C17orf67: variants seen among roughly 807,000 people sequenced by gnomAD.
C17orf67 encodes chromosome 17 open reading frame 67.
Under a neutral mutation model 11.2 loss-of-function variants are expected in C17orf67, and 12 were observed. The observed-to-expected ratio is 1.07, with a 90% CI of 0.68 to 1.73. The LOEUF (loss-of-function observed/expected upper bound fraction) is 1.73. Among genes scored for constraint, C17orf67 ranks in the 40% most tolerant of loss-of-function variants. The pLI is 0.00. For synonymous variants in C17orf67, 59 were observed against 46.9 expected, an observed-to-expected ratio of 1.26 and a Z score of -1.05; for missense variants, 115 against 113.5, an observed-to-expected ratio of 1.01 and a Z score of -0.06.
intron 4 of C17orf67, among the ~76,000 whole-genome samples, chr17:56,822,204 A>G (rs1272925030): frequency 6.6e-6 from 1 of 152,242 alleles, no homozygotes. Flanking sequence ...CTCTGACAAT[A>G]GCTAACTGAT....
intron 2 of C17orf67, 133 bp downstream of exon 2, chr17:56,832,765 A>G (rs1480677093): frequency 1.3e-5 from 2 of 152,170 alleles, no homozygotes; most frequent in Non-Finnish European, 2.9e-5. Flanking sequence ...CTTCCCTATT[A>G]CAATAGTATA....
chr17:56,827,158 GC>G (rs1436022339), intron 2 of C17orf67, among the ~76,000 whole-genome samples: 1 of 152,212 alleles, frequency 6.6e-6, no homozygotes, highest in African/African-American at 2.4e-5. Context: ...TCAAAACTGT[GC>G]CAGCTCTCAC....
intron 6 of C17orf67, among the ~76,000 whole-genome samples, chr17:56,795,913 G>A (rs529916321): frequency 1.3e-5 from 2 of 152,294 alleles, no homozygotes; most frequent in Middle Eastern, 3.4e-3. Flanking sequence ...TACATTTATA[G>A]TGTGACACTA....
At chr17:56,813,954 C>T (rs150436505) in intron 6 of C17orf67, among the ~76,000 whole-genome samples, 253 of 152,186 alleles carry the variant, frequency 1.7e-3, no homozygotes, top group African/African-American at 5.7e-3. Context: ...GAGATTCAAA[C>T]CCAGTCTGAC....
At chr17:56,795,230 A>G in intron 6 of C17orf67, 50 bp from the exon 7 acceptor site, 1 of 1,536,264 alleles carries the variant, frequency 6.5e-7, no homozygotes, top group Non-Finnish European at 9.0e-7. Context: ...GTGACAGCCA[A>G]GGGATCAATA....
At chr17:56,827,933 G>A (rs569359789) in intron 2 of C17orf67, among the ~76,000 whole-genome samples, 4 of 152,228 alleles carry the variant, frequency 2.6e-5, no homozygotes, top group East Asian at 1.9e-4. Context: ...TGGGCCGGTC[G>A]CAGTGGCTCA....
chr17:56,795,857 T>C (rs1159867799), intron 6 of C17orf67, among the ~76,000 whole-genome samples: 1 of 152,206 alleles, frequency 6.6e-6, no homozygotes, highest in Non-Finnish European at 1.5e-5. Flanking sequence ...TACAACAACA[T>C]AGATGGGTCT....
In C17orf67 at chr17:56,832,925, C is replaced by G. The variant is rs1464005850; in HGVS notation, c.-584G>C. 6.6e-6 allele frequency: 1 copy of G among 152,186 alleles called. No homozygotes were observed. Among genetic ancestry groups the G allele is most frequent in the African/African-American group, 2.4e-5 (1 of 41,434 alleles). 9.4% of individuals were successfully genotyped at this position (152,186 alleles called of 1,614,324 possible). Reference sequence around the variant, plus strand: ...GTATATATACATCTATATGTGTATTCTTAATGAATGTTATGTCTTCTCTAA... The same window carrying G: ...GTATATATACATCTATATGTGTATTGTTAATGAATGTTATGTCTTCTCTAA... On this transcript the variant is annotated 5_prime_UTR_variant, in exon 2 of 8. Transcript: ENST00000397861.
chr17:56,798,718 AGCTACT>A (rs1262545859), intron 6 of C17orf67, among the ~76,000 whole-genome samples: 3 of 152,180 alleles, frequency 2.0e-5, no homozygotes, highest in Non-Finnish European at 4.4e-5. Flanking sequence ...CTGTAGTCCC[AGCTACT>A]CAGGAAGCTG....
chr17:56,814,254 T>C (rs1440636705), intron 6 of C17orf67, among the ~76,000 whole-genome samples: 3 of 152,026 alleles, frequency 2.0e-5, no homozygotes, highest in African/African-American at 7.3e-5. Context: ...CCAAAGTCAG[T>C]ATCATTTTAG....
At chr17:56,798,375 T>A (rs944565909) in intron 6 of C17orf67, among the ~76,000 whole-genome samples, 1 of 152,288 alleles carries the variant, frequency 6.6e-6, no homozygotes, top group Middle Eastern at 3.4e-3. Context: ...AGCAGAAATA[T>A]AGCATTCCCA....
chr17:56,809,861 A>C (rs1267723303), intron 6 of C17orf67, among the ~76,000 whole-genome samples: 7 of 116,856 alleles, frequency 6.0e-5, no homozygotes, highest in African/African-American at 1.7e-4. Flanking sequence ...CCTCACACAC[A>C]CCTGCACCTT....
intron 4 of C17orf67, among the ~76,000 whole-genome samples, chr17:56,816,822 T>A: frequency 6.6e-6 from 1 of 152,194 alleles, no homozygotes; most frequent in East Asian, 1.9e-4. Flanking sequence ...TGAAGAAAGT[T>A]TCTTGTTTTG....
chr17:56,827,394 C>G (rs1311042999), intron 2 of C17orf67, among the ~76,000 whole-genome samples: 1 of 152,204 alleles, frequency 6.6e-6, no homozygotes, highest in African/African-American at 2.4e-5. Flanking sequence ...TCCATGGTTA[C>G]TAGGCAGAGC....
intron 4 of C17orf67, among the ~76,000 whole-genome samples, chr17:56,820,316 T>C (rs1905867706): frequency 6.6e-6 from 1 of 152,220 alleles, no homozygotes; most frequent in African/African-American, 2.4e-5. Flanking sequence ...TAGTTATTAA[T>C]ATTTACCCAC....
intron 6 of C17orf67, among the ~76,000 whole-genome samples, chr17:56,797,926 AC>A (rs1215118890): frequency 6.6e-6 from 1 of 152,074 alleles, no homozygotes; most frequent in Non-Finnish European, 1.5e-5. Context: ...AAACAACAGG[AC>A]CTCTCTTAAA....
At chr17:56,807,173 T>C (rs918799341) in intron 6 of C17orf67, among the ~76,000 whole-genome samples, 2 of 151,946 alleles carry the variant, frequency 1.3e-5, no homozygotes, top group Non-Finnish European at 2.9e-5. Context: ...TAAACAGCTG[T>C]CAGAGGCCAA....
At chr17:56,798,549 C>T (rs1905255004) in intron 6 of C17orf67, among the ~76,000 whole-genome samples, 3 of 152,064 alleles carry the variant, frequency 2.0e-5, no homozygotes, top group Admixed American at 2.0e-4. Flanking sequence ...GCATGGCAGT[C>T]GGGCATCATG....
At chr17:56,800,372 G>A (rs118144873) in intron 6 of C17orf67, among the ~76,000 whole-genome samples, 1 of 152,250 alleles carries the variant, frequency 6.6e-6, no homozygotes, top group Non-Finnish European at 1.5e-5. Context: ...GCAGCAAAGT[G>A]ATATATTTTT....
Sources: allele counts gnomAD v4.1 joint callset (sites outside exome capture counted in the v4.1 genomes callset), GRCh38; gene constraint gnomAD v4.1.1; transcripts MANE v1.5; gene names NCBI Gene and HGNC (gene_info 2026-07-23, HGNC 2026-07-21).